Variants in B4GALNT3 observed in about 807,000 individuals in gnomAD.
B4GALNT3 encodes the protein beta-1,4-N-acetyl-galactosaminyltransferase 3.
B4GALNT3 carries 86 observed loss-of-function variants against 120.2 expected under a neutral mutation model. The ratio of observed to expected loss-of-function variants is 0.72; its 90% CI spans 0.60 to 0.86. The LOEUF (loss-of-function observed/expected upper bound fraction) is 0.86, where lower values mean the gene tolerates loss of function less well. Ranked by LOEUF, B4GALNT3 falls within the 40% of genes least tolerant of loss-of-function variation. B4GALNT3 has a pLI of 0.00. For synonymous variants in B4GALNT3, 518 were observed against 510.4 expected, an observed-to-expected ratio of 1.01 and a Z score of -0.20; for missense variants, 1,167 against 1,298.9, an observed-to-expected ratio of 0.90 and a Z score of 1.56.
chr12:480,846 C>A (rs900340544), intron 1 of B4GALNT3, among the ~76,000 whole-genome samples: 5 of 152,176 alleles, frequency 3.3e-5, no homozygotes, highest in Non-Finnish European at 7.4e-5. Context: ...GGGGGCACTT[C>A]CCCAGGCCCT....
chr12:507,871 C>A (rs113926721), intron 1 of B4GALNT3, among the ~76,000 whole-genome samples: 10 of 84,024 alleles, frequency 1.2e-4, no homozygotes, highest in African/African-American at 3.2e-4. Context: ...TCCAGTAGTA[C>A]CTTGGTGGAC....
intron 4 of B4GALNT3, 52 bp downstream of exon 4, chr12:544,486 G>A (rs750806329): frequency 6.9e-7 from 1 of 1,458,044 alleles, no homozygotes; most frequent in Admixed American, 1.7e-5. Context: ...TGCCTCCTCT[G>A]CCCACTTCTG....
At chr12:537,136 C>T (rs1255975685) in intron 3 of B4GALNT3, among the ~76,000 whole-genome samples, 1 of 152,194 alleles carries the variant, frequency 6.6e-6, no homozygotes, top group Non-Finnish European at 1.5e-5. Flanking sequence ...GAAACTAGTG[C>T]TCGAGGATCC....
At chr12:544,810 C>G in intron 4 of B4GALNT3, 72 bp from the exon 5 acceptor site, 9 of 1,494,734 alleles carry the variant, frequency 6.0e-6, no homozygotes, top group Non-Finnish European at 7.4e-6. Flanking sequence ...TCCTGGTCTT[C>G]CCGCCAATCC....
chr12:537,992 G>A (rs941924972), intron 3 of B4GALNT3, among the ~76,000 whole-genome samples: 1 of 152,202 alleles, frequency 6.6e-6, no homozygotes, highest in Admixed American at 6.5e-5. Context: ...ACCTGCACTA[G>A]ATGACATCAC....
chr12:483,354 T>C (rs1020045908), intron 1 of B4GALNT3, among the ~76,000 whole-genome samples: 2 of 152,232 alleles, frequency 1.3e-5, no homozygotes, highest in Non-Finnish European at 2.9e-5. Flanking sequence ...CAAGTAGCTT[T>C]GCTGTTACAA....
chr12:549,681 T>C, intron 9 of B4GALNT3, 88 bp from the exon 10 acceptor site: 1 of 1,535,936 alleles, frequency 6.5e-7, no homozygotes, highest in Non-Finnish European at 9.0e-7. Context: ...AGGAGCCCCT[T>C]CTGCGTCTCT....
In B4GALNT3 at chr12:547,881, G is replaced by T; in HGVS notation, c.708-143G>T. 3 of 687,392 alleles carry T rather than the reference G, an allele frequency of 4.4e-6. No homozygotes were observed. The South Asian group carries it at 5.2e-5, about 12-fold the overall frequency. 42.6% of individuals were successfully genotyped at this position (687,392 alleles called of 1,614,324 possible). A position where few individuals can be genotyped will look rare whatever the true frequency, so the allele number is the denominator to read the frequency against. On this transcript the variant is annotated intron_variant, in intron 7 of 19. Coordinates refer to ENST00000266383, the MANE Select transcript of B4GALNT3 (RefSeq NM_173593.4). The stretch of plus-strand genomic sequence containing the variant: ...TTAGCAAGTGATAGAGTGGGGGCTC[G>T]AACCTAGGCAGTTAACTCCTGGCAT...
At position 548,130 on chromosome 12, in the gene B4GALNT3, C is replaced by G; in HGVS notation, c.786+28C>G. On this transcript the variant is annotated intron_variant, in intron 8 of 19. Coordinates refer to ENST00000266383, the MANE Select transcript of B4GALNT3 (RefSeq NM_173593.4). This position sits in a 1 kb window ranked among gnomAD's most constrained non-coding sequence, Gnocchi z 4.9. ...GAGTTTCCTGCTGCTCCCGCCTCTCCCAGCTCAGTTCCTGGCACTCATCTC... is the reference window on the plus strand; with the variant it reads ...GAGTTTCCTGCTGCTCCCGCCTCTCGCAGCTCAGTTCCTGGCACTCATCTC... 2 of 1,611,874 alleles carry G rather than the reference C, an allele frequency of 1.2e-6. No homozygotes were observed. The highest frequency in any genetic ancestry group is 3.3e-4 in the Middle Eastern group (2 of 6,058).
At position 553,439 on chromosome 12, in the gene B4GALNT3, A is replaced by G. The variant is rs111368596; in HGVS notation, c.1516A>G (p.Ile506Val). ...GTCCTTCCCAGGGAGGACCAGCCACATTCCAGTGCAGCAGCCAGAGAAGAG... is the reference window on the plus strand; with the variant it reads ...GTCCTTCCCAGGGAGGACCAGCCACGTTCCAGTGCAGCAGCCAGAGAAGAG... ...TASFPGRTSH[I>V]PVQQPEKRKQ... Residue 506 changes from isoleucine (I) to valine (V), a missense_variant, in exon 14 of 20, where the codon ATT (isoleucine) becomes GTT (valine). Physicochemically the swap from Ile to Val is conservative, Grantham distance 29. Around this residue, in one of 3 missense-constraint regions of B4GALNT3, gnomAD observed 983 missense variants for 1,102.5 expected, o/e 0.89. Coordinates refer to ENST00000266383, the MANE Select transcript of B4GALNT3 (RefSeq NM_173593.4). The G allele has an allele frequency of 3.2e-3, 5,168 of 1,614,070 alleles. 112 individuals are homozygous for G. In the African/African-American group the frequency reaches 0.053, roughly 16 times the overall value.
intron 1 of B4GALNT3, among the ~76,000 whole-genome samples, chr12:487,345 G>A (rs1946299222): frequency 6.6e-6 from 1 of 152,044 alleles, no homozygotes; most frequent in African/African-American, 2.4e-5. Context: ...TCATCAAGCA[G>A]GATAAACACC....
intron 1 of B4GALNT3, among the ~76,000 whole-genome samples, chr12:479,355 C>T (rs769495631): frequency 2.6e-4 from 39 of 152,178 alleles, no homozygotes; most frequent in Non-Finnish European, 4.6e-4. Flanking sequence ...ATGGCTGTGG[C>T]TTTGATGGTG....
chr12:469,329 C>G (rs141412952), intron 1 of B4GALNT3, among the ~76,000 whole-genome samples: 1 of 152,082 alleles, frequency 6.6e-6, no homozygotes, highest in Non-Finnish European at 1.5e-5. Flanking sequence ...TTTAGTGAGC[C>G]GAGCACATAT....
In B4GALNT3 at chr12:558,058, T is replaced by C; in HGVS notation, c.2577T>C (p.Ala859=). 1.9e-6 allele frequency: 3 copies of C among 1,613,942 alleles called. No homozygotes were observed. Among genetic ancestry groups the C allele is most frequent in the Non-Finnish European group, 2.5e-6 (3 of 1,180,028 alleles). ...VKLSGNFERS[A]GLQAGIDLVK... ...TAAGTGGAAACTTTGAACGCTCAGC[T>C]GGACTTCAGGCTGGCATAGACCTCG... Residue 859 remains alanine, a synonymous_variant, in exon 17 of 20, where the codon GCT becomes GCC. Transcript: ENST00000266383.
chr12:526,395 G>A (rs534400298), intron 1 of B4GALNT3, among the ~76,000 whole-genome samples: 2 of 152,320 alleles, frequency 1.3e-5, no homozygotes, highest in East Asian at 3.9e-4. Flanking sequence ...AACTTATCCT[G>A]TCCCAGGCCA....
Position 553,341 on chromosome 12 carries a change from G to A in B4GALNT3, c.1418G>A (p.Arg473Gln), listed in dbSNP as rs777975379. Residue 473 changes from arginine to glutamine, a missense_variant, in exon 14 of 20, where the codon CGA becomes CAA. Physicochemically the swap from Arg to Gln is conservative, Grantham distance 43 (BLOSUM62 1). Transcript: ENST00000266383. ...LEQDATDYRL[R>Q]SLRKLLAQPR... The stretch of plus-strand genomic sequence containing the variant: ...CAAGATGCCACTGACTACCGCCTCC[G>A]AAGCCTGCGGAAACTCCTGGCTCAG... 38 of 1,613,752 alleles carry A rather than the reference G, an allele frequency of 2.4e-5. 1 individual carries two copies. In the East Asian group the frequency reaches 2.5e-4, roughly 10 times the overall value.
Position 512,333 on chromosome 12 carries a change from T to TTCCTTCC in B4GALNT3, c.170-22832_170-22826dup, listed in dbSNP as rs1459862376. Among the ~76,000 whole-genome samples the TTCCTTCC allele has an allele frequency of 6.8e-4, 75 of 110,886 alleles. 2 individuals carry two copies. Among genetic ancestry groups the TTCCTTCC allele is most frequent in the African/African-American group, 2.9e-3 (73 of 25,386 alleles). 72.7% of individuals were successfully genotyped at this position (110,886 alleles called of 152,430 possible). A position where few individuals can be genotyped will look rare whatever the true frequency, so the allele number is the denominator to read the frequency against. ...CTTCTTCCACCTTCCACCTTCCACC[T>TTCCTTCC]TCCTTCCACCTTCCACCTTCCGCCT... On this transcript the variant is annotated intron_variant, in intron 1 of 19. Coordinates refer to ENST00000266383, the MANE Select transcript of B4GALNT3 (RefSeq NM_173593.4).
intron 1 of B4GALNT3, among the ~76,000 whole-genome samples, chr12:465,671 A>G (rs1403186014): frequency 4.6e-5 from 7 of 152,184 alleles, no homozygotes; most frequent in Non-Finnish European, 1.0e-4. Context: ...CCTCAGCAAC[A>G]CATCTGCCAT....
At chr12:514,011 C>T (rs867005224) in intron 1 of B4GALNT3, among the ~76,000 whole-genome samples, 3 of 152,150 alleles carry the variant, frequency 2.0e-5, no homozygotes, top group South Asian at 2.1e-4. Flanking sequence ...AATAATGCTG[C>T]GCTGAGGCTT....
Sources: gnomAD v4.1 joint callset for allele counts (sites outside exome capture counted in the v4.1 genomes callset) on GRCh38, gnomAD v4.1.1 for gene constraint, gnomAD v4.1.1 regional missense constraint, Gnocchi (gnomAD v3.1) non-coding constraint, MANE v1.5 for transcripts, NCBI Gene and HGNC (gene_info 2026-07-23, HGNC 2026-07-21) for gene names.